The following HECA variants were observed in gnomAD, a reference collection of about 807,000 sequenced individuals.
The protein encoded by HECA is headcase protein homolog.
A neutral mutation model predicts 37.6 loss-of-function variants in HECA; 13 were observed. The observed-to-expected ratio is 0.35, with a 90% CI of 0.23 to 0.55. HECA has a LOEUF of 0.55. Among genes scored for constraint, HECA ranks in the 20% least tolerant of loss-of-function variants. The probability of loss-of-function intolerance (pLI) is 0.90; values close to 1 mark genes in which losing one functional copy is unlikely to be tolerated. For synonymous variants in HECA, 307 were observed against 291.5 expected (o/e 1.05, Z -0.54); for missense variants, 527 against 701.9 (o/e 0.75, Z 2.82).
chr6:139,170,976 C>T (rs753378959), intron 2 of HECA, among the ~76,000 whole-genome samples: 3 of 151,928 alleles, frequency 2.0e-5, no homozygotes, highest in Non-Finnish European at 1.5e-5. Context: ...AAACAAAATT[C>T]ACTTTGTTTC....
chr6:139,153,352 A>G (rs1774674830), intron 1 of HECA: 1 of 152,196 alleles, frequency 6.6e-6, no homozygotes, highest in South Asian at 2.1e-4. Context: ...TAAACATTGT[A>G]ATTTATGCAA....
Position 139,176,864 on chromosome 6 carries a change from G to C in HECA, c.1468-77G>C, listed in dbSNP as rs1265993920. The C allele has an allele frequency of 1.3e-6, 1 of 779,848 alleles. No individual in the cohort carries two copies. The highest frequency in any genetic ancestry group is 2.3e-6 in the Non-Finnish European group (1 of 443,676). The allele number at this position is 779,848 out of a possible 1,614,324, so 48.3% of individuals were successfully genotyped here. ...TGCAAAGCCCTTGATCAGTTTCCCA[G>C]CATTTTGGTTTGGATGACTTTGACA... On this transcript the variant is annotated intron_variant, in intron 3 of 3. Transcript: ENST00000367658. This position sits in a 1 kb window ranked among gnomAD's most constrained non-coding sequence, Gnocchi z 4.5.
rs547537472 is a variant in HECA at position 139,169,026 on chromosome 6, T to C, written c.1312+1702T>C. Reference sequence around the variant, plus strand: ...TCATATATCCCTAATGTTCTGAAATTTCACCATATGTGGGTCTTTTACACA... The same window carrying C: ...TCATATATCCCTAATGTTCTGAAATCTCACCATATGTGGGTCTTTTACACA... On this transcript the variant is annotated intron_variant, in intron 2 of 3. Coordinates refer to ENST00000367658, the MANE Select transcript of HECA (RefSeq NM_016217.3). Among the ~76,000 whole-genome samples, 212 of 152,336 alleles carry C rather than the reference T, an allele frequency of 1.4e-3. 7 individuals carry two copies. The South Asian group carries it at 0.042, about 30-fold the overall frequency.
chr6:139,159,553 A>G (rs1774767485), intron 1 of HECA, among the ~76,000 whole-genome samples: 1 of 152,036 alleles, frequency 6.6e-6, no homozygotes, highest in African/African-American at 2.4e-5. Context: ...CTCTGTCCCG[A>G]CAGAGAAGGC....
At chr6:139,155,329 A>C (rs1001326117) in intron 1 of HECA, among the ~76,000 whole-genome samples, 3 of 152,214 alleles carry the variant, frequency 2.0e-5, no homozygotes, top group Non-Finnish European at 2.9e-5. Flanking sequence ...TCAGGACTGG[A>C]AGTTACTCTG....
chr6:139,139,058 G>A (rs1186324816), intron 1 of HECA, among the ~76,000 whole-genome samples: 1 of 152,130 alleles, frequency 6.6e-6, no homozygotes, highest in Admixed American at 6.5e-5. Flanking sequence ...ATTGGGCCTG[G>A]ATCTTAAGTA....
chr6:139,142,445 TTGC>T (rs1403195140), intron 1 of HECA, among the ~76,000 whole-genome samples: 1 of 152,118 alleles, frequency 6.6e-6, no homozygotes, highest in African/African-American at 2.4e-5. Context: ...CAGTTTGACA[TTGC>T]TGTGGTCAGA....
At chr6:139,151,625 A>G (rs1186418977) in intron 1 of HECA, among the ~76,000 whole-genome samples, 2 of 152,200 alleles carry the variant, frequency 1.3e-5, no homozygotes, top group Non-Finnish European at 2.9e-5. Context: ...ATTTTTAAGG[A>G]GTGCAAAGAT....
intron 1 of HECA, among the ~76,000 whole-genome samples, chr6:139,162,617 A>T (rs1774821655): frequency 6.6e-6 from 1 of 152,238 alleles, no homozygotes; most frequent in African/African-American, 2.4e-5. Flanking sequence ...ATAGAGGTAG[A>T]CAAATTGGTT....
chr6:139,179,883 T>A lies in HECA; in HGVS notation c.*2778T>A, dbSNP rs1775110635. 6.6e-6 allele frequency: 1 copy of A among 152,248 alleles called. No homozygotes were observed. The highest frequency in any genetic ancestry group is 1.5e-5 in the Non-Finnish European group (1 of 68,034). 9.4% of individuals were successfully genotyped at this position (152,248 alleles called of 1,614,324 possible). A position where few individuals can be genotyped will look rare whatever the true frequency, so the allele number is the denominator to read the frequency against. The stretch of plus-strand genomic sequence containing the variant: ...AAGCAGTCTTAAGAGTGACTAATAA[T>A]TTCAAAGTGATTTTTCGTCTATTCT... On this transcript the variant is annotated 3_prime_UTR_variant, in exon 4 of 4. Coordinates refer to ENST00000367658, the MANE Select transcript of HECA (RefSeq NM_016217.3).
At chr6:139,159,870 G>A (rs3777676) in intron 1 of HECA, among the ~76,000 whole-genome samples, 107,695 of 152,114 alleles carry the variant, frequency 0.71, 39,396 homozygotes, top group African/African-American at 0.85. Context: ...TGGTGCAGCT[G>A]TTTTAAGGGG....
rs1410475132 is a variant in HECA, at chr6:139,177,454, T to G, written c.*349T>G. ...CTTGATAGGAGTTGGAAGGAAACTC[T>G]TACTAAAATGTTAACTTTCTAAAAA... On this transcript the variant is annotated 3_prime_UTR_variant, in exon 4 of 4. Coordinates refer to ENST00000367658, the MANE Select transcript of HECA (RefSeq NM_016217.3). This position sits in a 1 kb window ranked among gnomAD's most constrained non-coding sequence, Gnocchi z 4.9. 5.9e-6 allele frequency: 1 copy of G among 168,352 alleles called. No homozygotes were observed. Among genetic ancestry groups the G allele is most frequent in the Non-Finnish European group, 1.3e-5 (1 of 78,010 alleles). The allele number at this position is 168,352 out of a possible 1,614,324, so 10.4% of individuals were successfully genotyped here.
intron 1 of HECA, among the ~76,000 whole-genome samples, chr6:139,142,592 G>A (rs142076840): frequency 6.6e-6 from 1 of 152,108 alleles, no homozygotes; most frequent in Non-Finnish European, 1.5e-5. Context: ...AGATGCTGTC[G>A]TACATAGGGG....
intron 2 of HECA, among the ~76,000 whole-genome samples, chr6:139,168,482 C>T (rs1313843719): frequency 3.3e-5 from 5 of 149,698 alleles, no homozygotes; most frequent in African/African-American, 1.2e-4. Context: ...CTTTACAAAC[C>T]ATCTTTCAAA....
At chr6:139,168,510 G>T (rs1190621093) in intron 2 of HECA, among the ~76,000 whole-genome samples, 2 of 146,366 alleles carry the variant, frequency 1.4e-5, no homozygotes, top group African/African-American at 5.1e-5. Context: ...CCACATACCT[G>T]TCAGATTTTT....
rs904474565 is a variant in HECA at position 139,177,274 on chromosome 6, C to T, written c.*169C>T. ...GCTGCCCTTGCCCTGTCTTGATTCC[C>T]GAGTGTTAATCTGTGGTTTTGACCA... On this transcript the variant is annotated 3_prime_UTR_variant, in exon 4 of 4. Transcript: ENST00000367658. This position sits in a 1 kb window ranked among gnomAD's most constrained non-coding sequence, Gnocchi z 4.9. 5 of 504,738 alleles carry T rather than the reference C, an allele frequency of 9.9e-6. No homozygotes were observed. Among genetic ancestry groups the T allele is most frequent in the South Asian group, 6.2e-5 (2 of 32,378 alleles). 31.3% of individuals were successfully genotyped at this position (504,738 alleles called of 1,614,324 possible).
At chr6:139,167,658 A>G (rs990682543) in intron 2 of HECA, among the ~76,000 whole-genome samples, 1 of 152,204 alleles carries the variant, frequency 6.6e-6, no homozygotes, top group Non-Finnish European at 1.5e-5. Flanking sequence ...TAATGGGCCC[A>G]TCTAGCTGTG....
At chr6:139,147,518 G>A (rs566371877) in intron 1 of HECA, among the ~76,000 whole-genome samples, 8 of 152,116 alleles carry the variant, frequency 5.3e-5, no homozygotes, top group South Asian at 4.2e-4. Context: ...CCAGCTACTC[G>A]GGAGGCTGAG....
rs1156501485 is a variant in HECA at position 139,135,583 on chromosome 6, G to C, written c.187G>C (p.Ala63Pro). Residue 63 changes from alanine (A) to proline (P), a missense_variant, in exon 1 of 4, where the codon GCG becomes CCG. By Grantham distance (27) the Ala-to-Pro change is conservative. Around this residue, in one of 4 missense-constraint regions of HECA, gnomAD observed 172 missense variants for 197.6 expected, o/e 0.87. Transcript: ENST00000367658. ...GGCGGGCGCGCCGGGCGCCGGAGGCGCGGCGGGCGCCGGAGGCGCGGGGAC... is the reference window on the plus strand; with the variant it reads ...GGCGGGCGCGCCGGGCGCCGGAGGCCCGGCGGGCGCCGGAGGCGCGGGGAC... ...AAAGAPGAGG[A>P]AGAGGAGTGA... is the part of the protein sequence containing the mutation. The C allele has an allele frequency of 1.1e-6, 1 of 947,334 alleles. No homozygotes were observed. Among genetic ancestry groups the C allele is most frequent in the African/African-American group, 1.8e-5 (1 of 55,420 alleles). 58.7% of individuals were successfully genotyped at this position (947,334 alleles called of 1,614,324 possible). A position where few individuals can be genotyped will look rare whatever the true frequency, so the allele number is the denominator to read the frequency against.
Sources: gnomAD v4.1 joint callset for allele counts (sites outside exome capture counted in the v4.1 genomes callset) on GRCh38, gnomAD v4.1.1 for gene constraint, gnomAD v4.1.1 regional missense constraint, Gnocchi (gnomAD v3.1) non-coding constraint, MANE v1.5 for transcripts, NCBI Gene and HGNC (gene_info 2026-07-23, HGNC 2026-07-21) for gene names.